Variants in ATAD2B observed in about 807,000 individuals in gnomAD.
ATAD2B encodes ATPase family AAA domain containing 2B, also known as ATPase family AAA domain-containing protein 2B.
In ATAD2B, 40 loss-of-function variants were observed where a neutral mutation model predicts 167.6. That is an observed-to-expected ratio of 0.24 (90% CI 0.19 to 0.31). The LOEUF (loss-of-function observed/expected upper bound fraction) is 0.31. ATAD2B is among the 10% of genes least tolerant of loss of function. ATAD2B has a pLI of 1.00. For synonymous variants in ATAD2B, 579 were observed against 596.5 expected, an observed-to-expected ratio of 0.97 and a Z score of 0.43; for missense variants, 1,242 against 1,757.2, an observed-to-expected ratio of 0.71 and a Z score of 5.24.
intron 14 of ATAD2B, among the ~76,000 whole-genome samples, chr2:23,831,367 C>G (rs1291376451): frequency 1.3e-5 from 2 of 151,826 alleles, no homozygotes; most frequent in African/African-American, 4.8e-5. Context: ...AATTTGAAAC[C>G]AAGATTTACT....
the ATAD2B span, among the ~76,000 whole-genome samples, chr2:23,681,029 C>T: frequency 6.6e-6 from 1 of 152,216 alleles, no homozygotes; most frequent in African/African-American, 2.4e-5. The surrounding 1 kb of genome is among the most constrained non-coding windows in gnomAD (Gnocchi z 4.2). Context: ...GTGTCCTTTG[C>T]CAAAACATGG....
intron 13 of ATAD2B, among the ~76,000 whole-genome samples, chr2:23,850,098 G>A (rs1412086660): frequency 2.7e-5 from 4 of 146,066 alleles, no homozygotes; most frequent in East Asian, 4.0e-4. Context: ...AGCTGAGATC[G>A]CGCCACTGCT....
At chr2:23,871,913 G>A (rs1246864112) in intron 8 of ATAD2B, among the ~76,000 whole-genome samples, 1 of 151,984 alleles carries the variant, frequency 6.6e-6, no homozygotes, top group East Asian at 1.9e-4. Context: ...AATCTCGCAC[G>A]GTCACCCCGG....
chr2:23,893,625 G>C (rs1699811095), intron 2 of ATAD2B, among the ~76,000 whole-genome samples: 1 of 140,384 alleles, frequency 7.1e-6, no homozygotes, highest in South Asian at 2.3e-4. Flanking sequence ...AAGTTTAACA[G>C]TTACTCAGAC....
intron 8 of ATAD2B, chr2:23,872,271 C>T (rs1198703830): frequency 4.3e-6 from 2 of 470,016 alleles, no homozygotes; most frequent in Non-Finnish European, 8.2e-6. Flanking sequence ...AGCAGGAAGC[C>T]ACAGCTTCCA....
At chr2:23,790,357 T>C (rs780246452) in intron 19 of ATAD2B, among the ~76,000 whole-genome samples, 3 of 152,208 alleles carry the variant, frequency 2.0e-5, no homozygotes, top group South Asian at 2.1e-4. Context: ...AAATCACTTA[T>C]ATCAATTGGG....
At chr2:23,722,524 A>G in the ATAD2B span, among the ~76,000 whole-genome samples, 1 of 152,206 alleles carries the variant, frequency 6.6e-6, no homozygotes, top group South Asian at 2.1e-4. Context: ...CTTTTGAAAT[A>G]ACACAGACAA....
chr2:23,781,780 G>C (rs1680102941), intron 22 of ATAD2B, among the ~76,000 whole-genome samples: 1 of 149,498 alleles, frequency 6.7e-6, no homozygotes, highest in Admixed American at 6.7e-5. Context: ...GAGAAAGGCT[G>C]CTGTTTCTTT....
chr2:23,775,263 G>A (rs555831995), intron 22 of ATAD2B, among the ~76,000 whole-genome samples: 21 of 147,548 alleles, frequency 1.4e-4, no homozygotes, highest in African/African-American at 5.2e-4. Flanking sequence ...TCTCCAGGCT[G>A]GCGTGCAGTG....
intron 1 of ATAD2B, among the ~76,000 whole-genome samples, chr2:23,911,826 T>C (rs766404707): frequency 6.6e-6 from 1 of 151,654 alleles, no homozygotes; most frequent in Non-Finnish European, 1.5e-5. Context: ...AATACAAAAA[T>C]TAGCCAGGTG....
chr2:23,885,720 T>C lies in ATAD2B; in HGVS notation c.675+7A>G, dbSNP rs372385374. ...TTTACAAAGATTGCTACAGCTAATA[T>C]ACTCACAAATTCTGTATCTGTCCAC... On this transcript the variant is annotated splice_region_variant and intron_variant, in intron 5 of 27. Transcript: ENST00000238789. The C allele has an allele frequency of 4.0e-6, 6 of 1,510,544 alleles. No individual in the cohort carries two copies. Among genetic ancestry groups the C allele is most frequent in the Non-Finnish European group, 5.4e-6 (6 of 1,101,196 alleles). 93.6% of individuals were successfully genotyped at this position (1,510,544 alleles called of 1,614,324 possible).
At chr2:23,824,421 A>G (rs568554711) in intron 15 of ATAD2B, among the ~76,000 whole-genome samples, 5 of 152,246 alleles carry the variant, frequency 3.3e-5, no homozygotes, top group Non-Finnish European at 7.3e-5. Context: ...CGTATAAAAT[A>G]GTATATAAAC....
chr2:23,781,438 G>C (rs1160236611), intron 22 of ATAD2B, among the ~76,000 whole-genome samples: 1 of 152,146 alleles, frequency 6.6e-6, no homozygotes, highest in Non-Finnish European at 1.5e-5. Context: ...ACCGAGGCTG[G>C]CAGACCACTT....
intron 22 of ATAD2B, among the ~76,000 whole-genome samples, chr2:23,767,127 G>A (rs900154805): frequency 3.3e-5 from 5 of 151,798 alleles, no homozygotes; most frequent in African/African-American, 7.3e-5. Context: ...AACCTTTTTC[G>A]ATTACCTGCT....
chr2:23,697,630 C>T, the ATAD2B span: 1 of 152,222 alleles, frequency 6.6e-6, no homozygotes, highest in African/African-American at 2.4e-5. Flanking sequence ...CAGAGTGAGG[C>T]AGGCTCTGAA....
intron 22 of ATAD2B, among the ~76,000 whole-genome samples, chr2:23,780,350 A>G (rs893830590): frequency 6.7e-6 from 1 of 148,478 alleles, no homozygotes; most frequent in African/African-American, 2.5e-5. Context: ...AACAGCAAAA[A>G]CTATAAGAGG....
the ATAD2B span, among the ~76,000 whole-genome samples, chr2:23,729,149 T>G: frequency 6.6e-6 from 1 of 152,156 alleles, no homozygotes; most frequent in Non-Finnish European, 1.5e-5. Context: ...TCCTCCAACA[T>G]TGGGGATTAC....
At chr2:23,837,808 T>G (rs1690250505) in intron 13 of ATAD2B, among the ~76,000 whole-genome samples, 1 of 152,258 alleles carries the variant, frequency 6.6e-6, no homozygotes, top group Non-Finnish European at 1.5e-5. Context: ...TCGTTACACC[T>G]TTGGACAATT....
At chr2:23,819,555 GGTA>G (rs1464437592) in intron 17 of ATAD2B, among the ~76,000 whole-genome samples, 189 bp downstream of exon 17, 1 of 150,066 alleles carries the variant, frequency 6.7e-6, no homozygotes, top group Non-Finnish European at 1.5e-5. Flanking sequence ...AAAACACCTA[GGTA>G]GTTAACCAAC....
Sources: allele counts gnomAD v4.1 joint callset (sites outside exome capture counted in the v4.1 genomes callset), GRCh38; gene constraint gnomAD v4.1.1; non-coding constraint Gnocchi (gnomAD v3.1); transcripts MANE v1.5; gene names NCBI Gene and HGNC (gene_info 2026-07-23, HGNC 2026-07-21).